The following HECW1 variants were observed in gnomAD, a reference collection of about 807,000 sequenced individuals.
The protein encoded by HECW1 is E3 ubiquitin-protein ligase HECW1.
In HECW1, 61 loss-of-function variants were observed where a neutral mutation model predicts 182.3. That is an observed-to-expected ratio of 0.33 (90% CI 0.27 to 0.41). The LOEUF is 0.41. Among genes scored for constraint, HECW1 ranks in the 10% least tolerant of loss-of-function variants. HECW1 has a pLI of 1.00. For synonymous variants in HECW1, 859 were observed against 832.6 expected, an observed-to-expected ratio of 1.03 and a Z score of -0.55; for missense variants, 1,739 against 2,108.9, an observed-to-expected ratio of 0.82 and a Z score of 3.44.
chr7:43,488,503 A>AAAGAGAAAGAAAG (rs1563046957), intron 17 of HECW1, among the ~76,000 whole-genome samples: 1 of 150,280 alleles, frequency 6.7e-6, no homozygotes, highest in Non-Finnish European at 1.5e-5. Flanking sequence ...AGAAAGAAAG[A>AAAGAGAAAGAAAG]AAAGAAAAGA....
At chr7:43,184,036 C>T (rs7787964) in intron 2 of HECW1, among the ~76,000 whole-genome samples, 36,540 of 150,060 alleles carry the variant, frequency 0.24, 4,616 homozygotes, top group Middle Eastern at 0.27. Flanking sequence ...TTTTTTGAGA[C>T]AAAGTCTCGC....
intron 2 of HECW1, among the ~76,000 whole-genome samples, chr7:43,212,064 A>G (rs992922690): frequency 1.1e-4 from 16 of 152,238 alleles, no homozygotes; most frequent in African/African-American, 3.6e-4. Context: ...CCATATTTCA[A>G]TGTAAGCATT....
At chr7:43,449,391 A>G (rs77760129) in intron 11 of HECW1, among the ~76,000 whole-genome samples, 2,418 of 152,334 alleles carry the variant, frequency 0.016, 64 homozygotes, top group African/African-American at 0.055. Flanking sequence ...TTGCTCAACA[A>G]ATAATGTTCT....
intron 2 of HECW1, among the ~76,000 whole-genome samples, chr7:43,176,687 A>G (rs961810748): frequency 3.9e-5 from 6 of 152,220 alleles, no homozygotes; most frequent in African/African-American, 9.6e-5. Context: ...TAACCCATGC[A>G]TGAGGGCAGA....
At chr7:43,422,133 C>T (rs1018018014) in intron 8 of HECW1, among the ~76,000 whole-genome samples, 5 of 152,046 alleles carry the variant, frequency 3.3e-5, no homozygotes, top group Admixed American at 1.3e-4. Context: ...TTGGAGGAAA[C>T]GTAATTGCGG....
chr7:43,254,768 C>T (rs1800390716), intron 3 of HECW1, among the ~76,000 whole-genome samples: 1 of 150,410 alleles, frequency 6.6e-6, no homozygotes, highest in African/African-American at 2.5e-5. Context: ...TCGTAATGCC[C>T]AGAGAGATGG....
At chr7:43,504,104 C>T (rs141110666) in intron 21 of HECW1, among the ~76,000 whole-genome samples, 3 of 152,314 alleles carry the variant, frequency 2.0e-5, no homozygotes, top group African/African-American at 4.8e-5. Flanking sequence ...TTCTCATTCT[C>T]AAGGCCTGTG....
intron 3 of HECW1, among the ~76,000 whole-genome samples, chr7:43,260,120 C>T (rs1348135728): frequency 6.6e-6 from 1 of 152,140 alleles, no homozygotes; most frequent in African/African-American, 2.4e-5. Context: ...TTATGGCTGA[C>T]TTCTTATCAG....
intron 8 of HECW1, among the ~76,000 whole-genome samples, chr7:43,411,648 T>C (rs1439443099): frequency 6.6e-6 from 1 of 152,220 alleles, no homozygotes; most frequent in East Asian, 1.9e-4. Context: ...GTTTCATGTA[T>C]TTTGAAGCTC....
chr7:43,481,938 G>T (rs113659306), intron 17 of HECW1, among the ~76,000 whole-genome samples: 98 of 143,750 alleles, frequency 6.8e-4, no homozygotes, highest in African/African-American at 2.4e-3. Context: ...TGGCACCACT[G>T]CACTCCAGCC....
intron 3 of HECW1, among the ~76,000 whole-genome samples, chr7:43,290,660 T>C (rs1032586643): frequency 5.3e-5 from 8 of 152,200 alleles, no homozygotes; most frequent in African/African-American, 1.9e-4. Flanking sequence ...TTATTTTTGG[T>C]TTACAGTCCC....
At chr7:43,561,751 A>G in intron 29 of HECW1, 64 bp from the exon 30 acceptor site, 1 of 1,132,984 alleles carries the variant, frequency 8.8e-7, no homozygotes, top group Non-Finnish European at 1.3e-6. Context: ...TCAGACAGTC[A>G]CAGATCCAGA....
chr7:43,399,433 A>G (rs2075332782), intron 7 of HECW1, among the ~76,000 whole-genome samples: 1 of 152,238 alleles, frequency 6.6e-6, no homozygotes, highest in Non-Finnish European at 1.5e-5. Flanking sequence ...ACAATGATTA[A>G]TACCAACCTT....
chr7:43,282,134 G>T (rs923967550), intron 3 of HECW1, among the ~76,000 whole-genome samples: 10 of 152,202 alleles, frequency 6.6e-5, no homozygotes, highest in Non-Finnish European at 1.2e-4. Flanking sequence ...GCAATGTCTT[G>T]CTCAGCTTAG....
chr7:43,295,279 G>A (rs1039156958), intron 3 of HECW1, among the ~76,000 whole-genome samples: 1 of 151,986 alleles, frequency 6.6e-6, no homozygotes, highest in Non-Finnish European at 1.5e-5. Flanking sequence ...TGTGAGGGAG[G>A]TATATAGCTT....
chr7:43,193,993 G>C (rs1365531801), intron 2 of HECW1, among the ~76,000 whole-genome samples: 1 of 152,194 alleles, frequency 6.6e-6, no homozygotes, highest in Non-Finnish European at 1.5e-5. Flanking sequence ...TTCAGCACTG[G>C]CTATGTGTTA....
At chr7:43,291,143 C>T (rs866911918) in intron 3 of HECW1, among the ~76,000 whole-genome samples, 7 of 152,300 alleles carry the variant, frequency 4.6e-5, no homozygotes, top group Non-Finnish European at 5.9e-5. Flanking sequence ...AAATAGCACT[C>T]GAACATAAAT....
At chr7:43,287,806 G>A (rs1804852664) in intron 3 of HECW1, among the ~76,000 whole-genome samples, 1 of 152,198 alleles carries the variant, frequency 6.6e-6, no homozygotes, top group South Asian at 2.1e-4. Context: ...TTTGAAGCCA[G>A]CATTGTCTGG....
chr7:43,131,871 T>C (rs1786960778), intron 2 of HECW1, among the ~76,000 whole-genome samples: 1 of 152,204 alleles, frequency 6.6e-6, no homozygotes, highest in African/African-American at 2.4e-5. Flanking sequence ...TTGGCACAAG[T>C]GTTCACCCTT....
Sources: allele counts gnomAD v4.1 joint callset (sites outside exome capture counted in the v4.1 genomes callset), GRCh38; gene constraint gnomAD v4.1.1; transcripts MANE v1.5; gene names NCBI Gene and HGNC (gene_info 2026-07-23, HGNC 2026-07-21).